The following BTBD16 variants were observed in gnomAD, a reference collection of about 807,000 sequenced individuals.
BTBD16 encodes the protein BTB domain containing 16.
In BTBD16, 66 loss-of-function variants were observed where a neutral mutation model predicts 67.4. That is an observed-to-expected ratio of 0.98 (90% CI 0.80 to 1.20). The LOEUF is 1.20. Among genes scored for constraint, BTBD16 ranks in the 50% most tolerant of loss-of-function variants. The pLI is 0.00. For synonymous variants in BTBD16, 242 were observed against 236.4 expected, an observed-to-expected ratio of 1.02 and a Z score of -0.22; for missense variants, 634 against 616.0, an observed-to-expected ratio of 1.03 and a Z score of -0.31.
intron 7 of BTBD16, among the ~76,000 whole-genome samples, chr10:122,296,855 G>A (rs1366399688): frequency 6.6e-6 from 1 of 152,244 alleles, no homozygotes; most frequent in Non-Finnish European, 1.5e-5. Flanking sequence ...AGGGGACAGT[G>A]TGGAGCAGTG....
intron 9 of BTBD16, among the ~76,000 whole-genome samples, chr10:122,304,769 G>T (rs1047807476): frequency 6.6e-6 from 1 of 152,004 alleles, no homozygotes; most frequent in Non-Finnish European, 1.5e-5. Flanking sequence ...TAGCCAAGAT[G>T]GTCTTGATCT....
chr10:122,283,929 G>T lies in BTBD16; in HGVS notation c.241+5G>T. On this transcript the variant is annotated splice_donor_5th_base_variant and intron_variant, in intron 4 of 15. Transcript: ENST00000260723. ...ACATCCAAAGTGGGGAAGCAGGTGA[G>T]TTTGTGTTATCCATGGATTAAGCCA... The T allele has an allele frequency of 6.2e-7, 1 of 1,609,558 alleles. No individual in the cohort carries two copies. Among genetic ancestry groups the T allele is most frequent in the East Asian group, 2.2e-5 (1 of 44,884 alleles).
chr10:122,287,719 C>G (rs144928186), intron 5 of BTBD16, among the ~76,000 whole-genome samples: 1 of 152,322 alleles, frequency 6.6e-6, no homozygotes, highest in African/African-American at 2.4e-5. Context: ...TATCCTGGAA[C>G]TTCTGGCCAG....
At chr10:122,281,144 A>G (rs1161558261) in intron 3 of BTBD16, among the ~76,000 whole-genome samples, 1 of 152,174 alleles carries the variant, frequency 6.6e-6, no homozygotes, top group African/African-American at 2.4e-5. Flanking sequence ...GGAGGATTAC[A>G]TCATTGCTCT....
rs10887135 is a variant in BTBD16 at position 122,334,952 on chromosome 10, T to A, written c.1236T>A (p.Asp412Glu). Reference protein sequence around the residue: ...FFFKIKGLKHDTTSYSFYMQR... With the variant: ...FFFKIKGLKHETTSYSFYMQR... ...TTAAGATAAAGGGACTCAAACATGA[T>A]ACTACCTCTTATAGTTTTTACATGC... The change falls in exon 14 of 16, where the codon GAT becomes GAA. Residue 412 changes from aspartate (D) to glutamate (E), a missense_variant. Transcript: ENST00000260723. The A allele has an allele frequency of 3.2e-6, 5 of 1,548,980 alleles. No individual in the cohort carries two copies. Among genetic ancestry groups the A allele is most frequent in the Non-Finnish European group, 3.6e-6 (4 of 1,124,260 alleles).
chr10:122,332,603 C>T, intron 13 of BTBD16, 90 bp downstream of exon 13: 3 of 1,363,104 alleles, frequency 2.2e-6, no homozygotes, highest in Non-Finnish European at 3.1e-6. Flanking sequence ...TCACTTCTGG[C>T]TCCTGGTAGG....
intron 3 of BTBD16, among the ~76,000 whole-genome samples, chr10:122,277,914 G>A (rs977842440): frequency 9.2e-5 from 14 of 152,170 alleles, no homozygotes; most frequent in African/African-American, 3.1e-4. Context: ...GCTTGATGCC[G>A]TTACCATCCT....
intron 7 of BTBD16, 172 bp downstream of exon 7, chr10:122,291,366 A>C: frequency 1.3e-6 from 1 of 748,950 alleles, no homozygotes; most frequent in Non-Finnish European, 2.0e-6. Flanking sequence ...ATTCACACTA[A>C]CAGGTGAGCC....
At chr10:122,336,747 G>T (rs777526334) in intron 15 of BTBD16, 65 bp downstream of exon 15, 56 of 1,409,422 alleles carry the variant, frequency 4.0e-5, no homozygotes, top group Non-Finnish European at 5.1e-5. Flanking sequence ...ATCCTTTTGG[G>T]GATCACTGGC....
intron 2 of BTBD16, among the ~76,000 whole-genome samples, chr10:122,276,395 AT>A (rs1311403346): frequency 1.3e-5 from 2 of 149,938 alleles, no homozygotes; most frequent in African/African-American, 2.5e-5. Flanking sequence ...CATTAAAAAA[AT>A]TCCTTGCCCA....
Position 122,332,504 on chromosome 10 carries a change from C to G in BTBD16, c.1155C>G (p.Leu385=), listed in dbSNP as rs773757014. The change falls in exon 13 of 16, where the codon CTC becomes CTG. Residue 385 remains leucine, a synonymous_variant. Transcript: ENST00000260723. ...LNTQAVRFGL[L]FNQENTTYSK... ...CCCAGGCTGTGAGATTTGGGCTGCT[C>G]TTTAACCAGGTACTGAGAACTGTAC... 12 of 1,613,608 alleles carry G rather than the reference C, an allele frequency of 7.4e-6. No homozygotes were observed. Among genetic ancestry groups the G allele is most frequent in the Non-Finnish European group, 9.3e-6 (11 of 1,179,582 alleles).
At chr10:122,319,763 T>C (rs909848908) in intron 10 of BTBD16, among the ~76,000 whole-genome samples, 6 of 152,152 alleles carry the variant, frequency 3.9e-5, no homozygotes, top group Non-Finnish European at 8.8e-5. Context: ...AAAAATCTCG[T>C]GGAATTTTGA....
At chr10:122,305,816 A>G (rs953470345) in intron 9 of BTBD16, among the ~76,000 whole-genome samples, 11 of 152,250 alleles carry the variant, frequency 7.2e-5, no homozygotes, top group South Asian at 6.2e-4. Context: ...TTAAGCTCCC[A>G]CTGACAAGTG....
At chr10:122,283,551 A>C (rs1359194929) in intron 3 of BTBD16, among the ~76,000 whole-genome samples, 1 of 152,172 alleles carries the variant, frequency 6.6e-6, no homozygotes, top group Non-Finnish European at 1.5e-5. Context: ...TATATGCTAG[A>C]TAATGTTTTA....
intron 10 of BTBD16, among the ~76,000 whole-genome samples, chr10:122,317,207 CTT>C (rs1210742079): frequency 6.6e-6 from 1 of 152,132 alleles, no homozygotes; most frequent in Non-Finnish European, 1.5e-5. Flanking sequence ...ATTTTTAAAA[CTT>C]GACTTTTTCA....
chr10:122,305,916 C>T (rs1257579710), intron 9 of BTBD16, among the ~76,000 whole-genome samples: 1 of 152,210 alleles, frequency 6.6e-6, no homozygotes, highest in African/African-American at 2.4e-5. Flanking sequence ...AAATGACATG[C>T]CTTCACTCTT....
chr10:122,296,590 C>A (rs1320065815), intron 7 of BTBD16, among the ~76,000 whole-genome samples: 1 of 152,178 alleles, frequency 6.6e-6, no homozygotes, highest in African/African-American at 2.4e-5. Context: ...AATTTTGCTG[C>A]AGAGAGGTTA....
At chr10:122,279,511 AACACACACAC>A (rs143637448) in intron 3 of BTBD16, among the ~76,000 whole-genome samples, 80 of 143,976 alleles carry the variant, frequency 5.6e-4, no homozygotes, top group Middle Eastern at 3.6e-3. Context: ...GAGAAAGAGA[AACACACACAC>A]ACACACACAC....
chr10:122,335,425 C>T (rs1166259638), intron 14 of BTBD16, among the ~76,000 whole-genome samples: 1 of 152,232 alleles, frequency 6.6e-6, no homozygotes, highest in African/African-American at 2.4e-5. Flanking sequence ...GGGTGCTTGA[C>T]TTCTCCGTAG....
Sources: gnomAD v4.1 joint callset for allele counts (sites outside exome capture counted in the v4.1 genomes callset) on GRCh38, gnomAD v4.1.1 for gene constraint, MANE v1.5 for transcripts, NCBI Gene and HGNC (gene_info 2026-07-23, HGNC 2026-07-21) for gene names.